Variants in NCKAP5 observed in about 807,000 individuals in gnomAD.
The protein encoded by NCKAP5 is nck-associated protein 5.
In NCKAP5, 92 loss-of-function variants were observed where a neutral mutation model predicts 167.0. The ratio of observed to expected loss-of-function variants is 0.55; its 90% CI spans 0.47 to 0.66. The LOEUF (loss-of-function observed/expected upper bound fraction) is 0.66, where lower values mean the gene tolerates loss of function less well. Ranked by LOEUF, NCKAP5 falls within the 30% of genes least tolerant of loss-of-function variation. The pLI is 0.00. For synonymous variants in NCKAP5, 891 were observed against 877.4 expected (o/e 1.02, Z -0.27); for missense variants, 2,378 against 2,315.0 (o/e 1.03, Z -0.56).
intron 3 of NCKAP5, among the ~76,000 whole-genome samples, chr2:133,361,792 A>G (rs1685121302): frequency 6.6e-6 from 1 of 152,248 alleles, no homozygotes; most frequent in South Asian, 2.1e-4. Context: ...CCATTAACAA[A>G]TATGCAAATT....
the NCKAP5 span, among the ~76,000 whole-genome samples, chr2:133,582,769 C>T: frequency 6.6e-6 from 1 of 152,192 alleles, no homozygotes; most frequent in African/African-American, 2.4e-5. Context: ...TAACATATTT[C>T]CAGTTTCCTG....
chr2:132,886,175 AAT>A (rs1491491627), intron 8 of NCKAP5, among the ~76,000 whole-genome samples: 91 of 136,092 alleles, frequency 6.7e-4, no homozygotes, highest in Middle Eastern at 7.2e-3. Flanking sequence ...AAATTAAAAA[AAT>A]AATTGGATGT....
At chr2:133,588,843 A>C in the NCKAP5 span, among the ~76,000 whole-genome samples, 1 of 152,122 alleles carries the variant, frequency 6.6e-6, no homozygotes, top group Non-Finnish European at 1.5e-5. Flanking sequence ...TTTAGGGACA[A>C]ATGTTCCAGG....
chr2:132,988,962 G>A (rs2077375240), intron 7 of NCKAP5, among the ~76,000 whole-genome samples: 1 of 152,158 alleles, frequency 6.6e-6, no homozygotes, highest in African/African-American at 2.4e-5. Context: ...AGTCGCAGAA[G>A]CTGTATCCAT....
At chr2:132,816,399 A>G (rs2105294771) in intron 11 of NCKAP5, among the ~76,000 whole-genome samples, 1 of 152,232 alleles carries the variant, frequency 6.6e-6, no homozygotes, top group South Asian at 2.1e-4. Context: ...GCTGAGTCAC[A>G]GTTGCTTTAC....
chr2:132,836,349 G>A (rs991779435), intron 11 of NCKAP5, among the ~76,000 whole-genome samples: 5 of 151,870 alleles, frequency 3.3e-5, no homozygotes, highest in African/African-American at 9.7e-5. Flanking sequence ...CTGATTGCAC[G>A]GCTGACTAAA....
At chr2:133,055,485 T>C (rs1421674171) in intron 6 of NCKAP5, among the ~76,000 whole-genome samples, 5 of 149,758 alleles carry the variant, frequency 3.3e-5, no homozygotes, top group Non-Finnish European at 7.4e-5. Flanking sequence ...TATATATATA[T>C]ATATAGTTTA....
Position 133,377,382 on chromosome 2 carries a change from G to A in NCKAP5, c.70-74272C>T, listed in dbSNP as rs1357532839. Among the ~76,000 whole-genome samples the A allele has an allele frequency of 3.9e-5, 6 of 152,186 alleles. No homozygotes were observed. The East Asian group carries it at 1.2e-3, about 29-fold the overall frequency. On this transcript the variant is annotated intron_variant, in intron 3 of 19. Transcript: ENST00000409261. Reference sequence around the variant, plus strand: ...AGGCTGGAATAAGCATAGTAAAAATGACAGAGCAAGCTTCTTGAATTCTTG... The same window carrying A: ...AGGCTGGAATAAGCATAGTAAAAATAACAGAGCAAGCTTCTTGAATTCTTG...
chr2:133,285,232 A>G (rs1186919408), intron 4 of NCKAP5, among the ~76,000 whole-genome samples: 1 of 152,218 alleles, frequency 6.6e-6, no homozygotes, highest in Non-Finnish European at 1.5e-5. Flanking sequence ...ATGTACTCCA[A>G]TGTCTAGCAA....
chr2:133,650,744 T>C, the NCKAP5 span, among the ~76,000 whole-genome samples: 1 of 150,832 alleles, frequency 6.6e-6, no homozygotes, highest in East Asian at 1.9e-4. Flanking sequence ...TAGCCACACG[T>C]GGTGGTGGGC....
At chr2:133,231,312 T>C (rs2087136011) in intron 4 of NCKAP5, among the ~76,000 whole-genome samples, 1 of 152,186 alleles carries the variant, frequency 6.6e-6, no homozygotes. Context: ...CATGGAAATA[T>C]GAGTACCTCT....
At chr2:133,162,146 A>G (rs2083817566) in intron 5 of NCKAP5, among the ~76,000 whole-genome samples, 1 of 152,236 alleles carries the variant, frequency 6.6e-6, no homozygotes, top group Non-Finnish European at 1.5e-5. Flanking sequence ...TTTTCACACC[A>G]TACCACCAGC....
chr2:133,064,071 TTC>T (rs1199270355), intron 6 of NCKAP5, among the ~76,000 whole-genome samples: 2 of 152,222 alleles, frequency 1.3e-5, no homozygotes, highest in Non-Finnish European at 2.9e-5. Flanking sequence ...GCTATTTGAC[TTC>T]TCTCCTCACA....
intron 9 of NCKAP5, among the ~76,000 whole-genome samples, chr2:132,874,096 G>A (rs1691059674): frequency 6.8e-6 from 1 of 146,000 alleles, no homozygotes; most frequent in Admixed American, 7.1e-5. Flanking sequence ...TTTCTTTCAA[G>A]ACCTTGATTT....
At position 132,785,523 on chromosome 2, in the gene NCKAP5, T is replaced by C. The variant is rs754934205; in HGVS notation, c.1288A>G (p.Met430Val). 1.9e-6 allele frequency: 3 copies of C among 1,610,412 alleles called. No homozygotes were observed. Among genetic ancestry groups the C allele is most frequent in the Admixed American group, 1.7e-5 (1 of 59,678 alleles). Residue 430 changes from methionine (M) to valine (V), a missense_variant, in exon 14 of 20, where the codon ATG (methionine) becomes GTG (valine). This residue lies in a region of NCKAP5 where 1,049 missense variants were observed against 1,023.4 expected (regional missense o/e 1.02). Transcript: ENST00000409261. ...VITKWGYKDCMNSNEGIYSPG... is the reference protein window; with the variant it reads ...VITKWGYKDCVNSNEGIYSPG... The stretch of plus-strand genomic sequence containing the variant: ...GAATATATTCCTTCATTCGAGTTCA[T>C]GCAATCTTTATAACCCCATTTGGTT...
intron 4 of NCKAP5, among the ~76,000 whole-genome samples, chr2:133,219,250 C>G (rs116718070): frequency 6.6e-6 from 1 of 152,168 alleles, no homozygotes; most frequent in Non-Finnish European, 1.5e-5. Flanking sequence ...AACCCCAGCC[C>G]GGCTGCTAGC....
At chr2:132,918,973 C>T (rs1284204350) in intron 8 of NCKAP5, among the ~76,000 whole-genome samples, 2 of 152,160 alleles carry the variant, frequency 1.3e-5, no homozygotes, top group Admixed American at 6.5e-5. Flanking sequence ...CTGGAGTTGG[C>T]ACCATGGTAA....
At chr2:133,621,668 G>C in the NCKAP5 span, among the ~76,000 whole-genome samples, 5 of 152,058 alleles carry the variant, frequency 3.3e-5, no homozygotes, top group Admixed American at 3.3e-4. Context: ...AAAAAGTCCA[G>C]GACCAGACAG....
chr2:133,502,970 C>T (rs1682664321), intron 3 of NCKAP5, among the ~76,000 whole-genome samples: 1 of 152,136 alleles, frequency 6.6e-6, no homozygotes, highest in Non-Finnish European at 1.5e-5. Context: ...CTGAAACGAT[C>T]CTAGGTCACA....
Sources: allele counts gnomAD v4.1 joint callset (sites outside exome capture counted in the v4.1 genomes callset), GRCh38; gene constraint gnomAD v4.1.1; regional missense constraint gnomAD v4.1.1; transcripts MANE v1.5; gene names NCBI Gene and HGNC (gene_info 2026-07-23, HGNC 2026-07-21).